CDH13: variants seen among roughly 807,000 people sequenced by gnomAD.
CDH13 encodes the protein cadherin 13, also known as cadherin-13.
CDH13 carries 24 observed loss-of-function variants against 63.8 expected under a neutral mutation model. That is an observed-to-expected ratio of 0.38 (90% CI 0.27 to 0.53). CDH13 has a LOEUF of 0.53. Ranked by LOEUF, CDH13 falls within the 20% of genes least tolerant of loss-of-function variation. The probability of loss-of-function intolerance (pLI) is 0.85; values close to 1 mark genes in which losing one functional copy is unlikely to be tolerated. For missense variants in CDH13, 1,049 were observed against 903.1 expected, an observed-to-expected ratio of 1.16 and a Z score of -2.07; for synonymous variants, 503 against 355.3, an observed-to-expected ratio of 1.42 and a Z score of -4.67.
intron 6 of CDH13, among the ~76,000 whole-genome samples, chr16:83,434,244 A>G (rs956137589): frequency 6.6e-6 from 1 of 152,188 alleles, no homozygotes; most frequent in Non-Finnish European, 1.5e-5. Context: ...GGGCCAGGTC[A>G]TGGTACAACA....
intron 7 of CDH13, among the ~76,000 whole-genome samples, chr16:83,540,212 A>T (rs1014632869): frequency 1.3e-5 from 2 of 151,894 alleles, no homozygotes; most frequent in African/African-American, 4.8e-5. Context: ...TTGGAGGCCG[A>T]AAGATTGAGG....
At chr16:82,715,109 GT>G (rs2032268479) in intron 1 of CDH13, among the ~76,000 whole-genome samples, 1 of 149,900 alleles carries the variant, frequency 6.7e-6, no homozygotes, top group Admixed American at 6.8e-5. Context: ...CCCTAGCTAA[GT>G]TCCATTCTGA....
At chr16:83,097,954 GA>G (rs569457684) in intron 3 of CDH13, among the ~76,000 whole-genome samples, 20 of 150,348 alleles carry the variant, frequency 1.3e-4, no homozygotes, top group Middle Eastern at 3.4e-3. Flanking sequence ...GGTAACTTTT[GA>G]AAAAAAAAAT....
chr16:82,888,342 G>A (rs552012029), intron 2 of CDH13, among the ~76,000 whole-genome samples: 1 of 152,166 alleles, frequency 6.6e-6, no homozygotes, highest in African/African-American at 2.4e-5. Flanking sequence ...TGAAGCTGCT[G>A]GACTGGGCCT....
chr16:83,729,138 G>A (rs1910765905), intron 10 of CDH13: 1 of 152,154 alleles, frequency 6.6e-6, no homozygotes, highest in Non-Finnish European at 1.5e-5. Context: ...CTGCCACAAT[G>A]GGGGTTAGAG....
At chr16:82,759,007 C>G (rs964181309) in intron 1 of CDH13, among the ~76,000 whole-genome samples, 1 of 152,176 alleles carries the variant, frequency 6.6e-6, no homozygotes, top group Admixed American at 6.5e-5. Context: ...CAGCCACTAT[C>G]CTTCTTCACT....
intron 5 of CDH13, among the ~76,000 whole-genome samples, chr16:83,281,701 G>T (rs2089180402): frequency 6.6e-6 from 1 of 151,490 alleles, no homozygotes; most frequent in African/African-American, 2.4e-5. Flanking sequence ...TTGAGGTCAG[G>T]AGTTCGAGAC....
chr16:83,002,628 G>C (rs7195876), intron 2 of CDH13, among the ~76,000 whole-genome samples: 2,169 of 152,284 alleles, frequency 0.014, 57 homozygotes, highest in African/African-American at 0.05. Context: ...TTCAATGTTG[G>C]GTTGTGATCA....
At chr16:82,640,702 CTT>C (rs1489397870) in intron 1 of CDH13, among the ~76,000 whole-genome samples, 2 of 152,302 alleles carry the variant, frequency 1.3e-5, no homozygotes, top group Admixed American at 1.3e-4. Context: ...CAGGCATTCT[CTT>C]TGGCCTCAGT....
chr16:83,151,818 T>C (rs6565142), intron 4 of CDH13, among the ~76,000 whole-genome samples: 62,144 of 151,896 alleles, frequency 0.41, 14,240 homozygotes, highest in African/African-American at 0.63. Context: ...CAAATTTAGC[T>C]GGGTGTGGTG....
chr16:83,401,148 C>T (rs1290775550), intron 6 of CDH13, among the ~76,000 whole-genome samples: 1 of 152,118 alleles, frequency 6.6e-6, no homozygotes, highest in Non-Finnish European at 1.5e-5. Context: ...CAAGACCAGC[C>T]TGGCCAATAT....
intron 1 of CDH13, among the ~76,000 whole-genome samples, chr16:82,782,227 C>T (rs952997108): frequency 2.0e-5 from 3 of 152,140 alleles, no homozygotes; most frequent in Non-Finnish European, 4.4e-5. Flanking sequence ...AACCAGGATT[C>T]AGGGTGGGCC....
rs767651052 is a variant in CDH13 at position 83,602,542 on chromosome 16, C to T, written c.1049C>T (p.Thr350Met). The change falls in exon 8 of 14, where the codon ACG (threonine) becomes ATG (methionine). Residue 350 changes from threonine to methionine, a missense_variant. Physicochemically the swap from Thr to Met is moderately conservative, Grantham distance 81. Transcript: ENST00000567109. ...GGATTAACAGGCACGGCCACAGCCA[C>T]GATCATGATCGATGACAAAAATGAT... ...DVGLTGTATA[T>M]IMIDDKNDHS... 2.9e-5 allele frequency: 46 copies of T among 1,613,856 alleles called. No individual in the cohort carries two copies. The highest frequency in any genetic ancestry group is 2.4e-5 in the Non-Finnish European group (28 of 1,179,864).
intron 8 of CDH13, among the ~76,000 whole-genome samples, chr16:83,650,454 G>A (rs184241952): frequency 2.6e-4 from 40 of 152,304 alleles, no homozygotes; most frequent in African/African-American, 8.9e-4. Flanking sequence ...TCTTGTCCTA[G>A]GGGAGCTTGT....
chr16:83,515,233 G>C (rs1241675242), intron 7 of CDH13, among the ~76,000 whole-genome samples: 1 of 152,100 alleles, frequency 6.6e-6, no homozygotes, highest in Non-Finnish European at 1.5e-5. Context: ...TTCCTTTTAA[G>C]GTCTCTCCAA....
intron 4 of CDH13, among the ~76,000 whole-genome samples, chr16:83,147,459 C>A (rs2036798960): frequency 6.6e-6 from 1 of 152,176 alleles, no homozygotes; most frequent in Admixed American, 6.5e-5. Flanking sequence ...CCAAGCTTCT[C>A]TGTGTGACCT....
intron 2 of CDH13, among the ~76,000 whole-genome samples, chr16:83,016,324 T>C (rs1353740292): frequency 1.3e-5 from 2 of 152,228 alleles, no homozygotes; most frequent in South Asian, 2.1e-4. Flanking sequence ...TCACAGCTGA[T>C]GAGTATCTCA....
intron 5 of CDH13, among the ~76,000 whole-genome samples, chr16:83,229,643 G>A (rs2039947639): frequency 6.6e-6 from 1 of 152,054 alleles, no homozygotes; most frequent in African/African-American, 2.4e-5. Flanking sequence ...CTCCCAGTGA[G>A]GCATTAGGTA....
chr16:83,301,454 G>A (rs972666707), intron 5 of CDH13, among the ~76,000 whole-genome samples: 2 of 152,122 alleles, frequency 1.3e-5, no homozygotes, highest in African/African-American at 4.8e-5. Context: ...TAATGATGGA[G>A]CTCATCATTT....
Sources: gnomAD v4.1 joint callset for allele counts (sites outside exome capture counted in the v4.1 genomes callset) on GRCh38, gnomAD v4.1.1 for gene constraint, MANE v1.5 for transcripts, NCBI Gene and HGNC (gene_info 2026-07-23, HGNC 2026-07-21) for gene names.